The following FBXL2 variants were observed in gnomAD, a reference collection of about 807,000 sequenced individuals.
The protein encoded by FBXL2 is F-box/LRR-repeat protein 2.
A neutral mutation model predicts 69.2 loss-of-function variants in FBXL2; 38 were observed. The observed-to-expected ratio is 0.55, with a 90% CI of 0.42 to 0.72. The LOEUF (loss-of-function observed/expected upper bound fraction) is 0.72, where lower values mean the gene tolerates loss of function less well. Ranked by LOEUF, FBXL2 falls within the 30% of genes least tolerant of loss-of-function variation. FBXL2 has a pLI of 0.00. For missense variants in FBXL2, 354 were observed against 520.3 expected, an observed-to-expected ratio of 0.68 and a Z score of 3.11; for synonymous variants, 192 against 201.3, an observed-to-expected ratio of 0.95 and a Z score of 0.39.
At chr3:33,377,216 GT>G (rs1447387711) in intron 10 of FBXL2, 56 bp from the exon 11 acceptor site, 23 of 1,497,340 alleles carry the variant, frequency 1.5e-5, no homozygotes, top group Non-Finnish European at 2.1e-5. Context: ...TAAAATATGT[GT>G]TTCCATTATT....
At chr3:33,300,733 G>T (rs549498712) in intron 2 of FBXL2, among the ~76,000 whole-genome samples, 19 of 149,088 alleles carry the variant, frequency 1.3e-4, no homozygotes, top group Non-Finnish European at 2.4e-4. Context: ...TTTTGAGACG[G>T]AGTCTCGCTC....
At chr3:33,283,671 C>T (rs1305763250) in intron 1 of FBXL2, among the ~76,000 whole-genome samples, 1 of 152,168 alleles carries the variant, frequency 6.6e-6, no homozygotes. Flanking sequence ...GTGAATCTGT[C>T]TGGTCCTGGA....
downstream of FBXL2, among the ~76,000 whole-genome samples, chr3:33,406,135 G>A (rs1002451500): frequency 6.6e-6 from 1 of 152,152 alleles, no homozygotes; most frequent in Non-Finnish European, 1.5e-5. Flanking sequence ...TTTAAGCCAG[G>A]TGTGATGGCA....
intron 2 of FBXL2, among the ~76,000 whole-genome samples, chr3:33,308,669 C>T (rs2036926693): frequency 1.3e-5 from 2 of 152,174 alleles, no homozygotes; most frequent in Admixed American, 6.5e-5. Context: ...TCCTATTTCT[C>T]TCAGCCCCCA....
chr3:33,385,729 G>T lies in FBXL2; in HGVS notation c.*121G>T. Reference sequence around the variant, plus strand: ...TCTCCATTGGGAAAGGCATTTACAGGTAAAAGACTTCTGTATGGATTGCAG... The same window carrying T: ...TCTCCATTGGGAAAGGCATTTACAGTTAAAAGACTTCTGTATGGATTGCAG... On this transcript the variant is annotated 3_prime_UTR_variant, in exon 15 of 15. Transcript: ENST00000484457. 4.0e-6 allele frequency: 3 copies of T among 757,402 alleles called. No individual in the cohort carries two copies. The highest frequency in any genetic ancestry group is 6.8e-6 in the Non-Finnish European group (3 of 440,758). 46.9% of individuals were successfully genotyped at this position (757,402 alleles called of 1,614,324 possible). A position where few individuals can be genotyped will look rare whatever the true frequency, so the allele number is the denominator to read the frequency against.
At chr3:33,401,188 CATG>C (rs1344848236) in intron 12 of FBXL2, among the ~76,000 whole-genome samples, 1 of 152,156 alleles carries the variant, frequency 6.6e-6, no homozygotes, top group Admixed American at 6.5e-5. Flanking sequence ...AGGGTGTGGA[CATG>C]ATGACGAAAT....
At chr3:33,281,265 A>G (rs557181991) in intron 1 of FBXL2, among the ~76,000 whole-genome samples, 17 of 152,120 alleles carry the variant, frequency 1.1e-4, no homozygotes, top group African/African-American at 3.6e-4. Context: ...TCATTGTTCA[A>G]TTCCCACCTA....
At chr3:33,287,368 G>A (rs924674969) in intron 1 of FBXL2, among the ~76,000 whole-genome samples, 1 of 152,082 alleles carries the variant, frequency 6.6e-6, no homozygotes, top group African/African-American at 2.4e-5. Context: ...TGTAACAATA[G>A]CTTTCTTTTA....
intron 2 of FBXL2, among the ~76,000 whole-genome samples, chr3:33,342,983 G>A (rs561652878): frequency 2.1e-5 from 3 of 145,164 alleles, no homozygotes; most frequent in African/African-American, 7.7e-5. Flanking sequence ...CTCGTGATCC[G>A]TCCACCTTGG....
chr3:33,408,230 G>A (rs1269527882), downstream of FBXL2, among the ~76,000 whole-genome samples: 17 of 152,086 alleles, frequency 1.1e-4, no homozygotes, highest in Admixed American at 1.1e-3. Flanking sequence ...TTAATGTCAA[G>A]CTTGCTGCCA....
intron 10 of FBXL2, 88 bp from the exon 11 acceptor site, chr3:33,377,185 A>T: frequency 7.8e-7 from 1 of 1,283,960 alleles, no homozygotes; most frequent in Non-Finnish European, 1.1e-6. Flanking sequence ...CAAAGAGCAG[A>T]AAAGACTCAA....
chr3:33,322,681 G>T (rs575498506), intron 2 of FBXL2, among the ~76,000 whole-genome samples: 1 of 152,286 alleles, frequency 6.6e-6, no homozygotes, highest in South Asian at 2.1e-4. Flanking sequence ...TCATGAGCAT[G>T]TATATTAGTG....
Position 33,277,501 on chromosome 3 carries a change from G to A in FBXL2, c.-12G>A, listed in dbSNP as rs1475641849. On this transcript the variant is annotated 5_prime_UTR_variant, in exon 1 of 15. Coordinates refer to ENST00000484457, the MANE Select transcript of FBXL2 (RefSeq NM_012157.5). The stretch of plus-strand genomic sequence containing the variant: ...GACTTCGGGCTGTGGGCTCGCTCGC[G>A]GCTCTTCGGCCATGGTGAGTCTGGG... The A allele has an allele frequency of 7.7e-7, 1 of 1,299,008 alleles. No homozygotes were observed. Among genetic ancestry groups the A allele is most frequent in the East Asian group, 3.1e-5 (1 of 32,608 alleles). 80.5% of individuals were successfully genotyped at this position (1,299,008 alleles called of 1,614,324 possible). A position where few individuals can be genotyped will look rare whatever the true frequency, so the allele number is the denominator to read the frequency against.
At chr3:33,314,111 G>A (rs528376638) in intron 2 of FBXL2, among the ~76,000 whole-genome samples, 105 of 144,758 alleles carry the variant, frequency 7.3e-4, no homozygotes, top group Middle Eastern at 3.5e-3. Flanking sequence ...ATTTTTTTTT[G>A]CTTTTTACTT....
chr3:33,402,738 TG>T, intron 12 of FBXL2: 1 of 1,191,836 alleles, frequency 8.4e-7, no homozygotes, highest in Non-Finnish European at 1.1e-6. Flanking sequence ...CATGGAGAGA[TG>T]GGGAAATGAA....
At chr3:33,376,312 T>TA (rs1249183425) in intron 10 of FBXL2, among the ~76,000 whole-genome samples, 1 of 152,212 alleles carries the variant, frequency 6.6e-6, no homozygotes, top group African/African-American at 2.4e-5. Flanking sequence ...GAAAAAAAGA[T>TA]ACTTTTTAAA....
rs2043485203 is a variant in FBXL2 at position 33,387,014 on chromosome 3, T to C, written c.*1406T>C. ...TAAGGATATATTATGTCAGCTGCAT[T>C]CTAGGAAGAGAAGCAGATTATATAT... On this transcript the variant is annotated 3_prime_UTR_variant, in exon 15 of 15. Coordinates refer to ENST00000484457, the MANE Select transcript of FBXL2 (RefSeq NM_012157.5). 1 of 152,170 alleles carries C rather than the reference T, an allele frequency of 6.6e-6. No individual in the cohort carries two copies. The highest frequency in any genetic ancestry group is 1.5e-5 in the Non-Finnish European group (1 of 68,024). 9.4% of individuals were successfully genotyped at this position (152,170 alleles called of 1,614,324 possible). A position where few individuals can be genotyped will look rare whatever the true frequency, so the allele number is the denominator to read the frequency against.
At chr3:33,316,495 A>G (rs2037707906) in intron 2 of FBXL2, among the ~76,000 whole-genome samples, 1 of 152,158 alleles carries the variant, frequency 6.6e-6, no homozygotes, top group African/African-American at 2.4e-5. Context: ...CCTTTTAGAA[A>G]TTAGTGTGGA....
chr3:33,390,437 T>A, downstream of FBXL2: 1 of 1,557,158 alleles, frequency 6.4e-7, no homozygotes, highest in Admixed American at 1.7e-5. Flanking sequence ...AATGGAAAAC[T>A]CCCTGCCAAC....
Sources: allele counts gnomAD v4.1 joint callset (sites outside exome capture counted in the v4.1 genomes callset), GRCh38; gene constraint gnomAD v4.1.1; transcripts MANE v1.5; gene names NCBI Gene and HGNC (gene_info 2026-07-23, HGNC 2026-07-21).